CAB39: variants seen among roughly 807,000 people sequenced by gnomAD.
The protein encoded by CAB39 is calcium-binding protein 39.
In CAB39, 8 loss-of-function variants were observed where a neutral mutation model predicts 40.0. That is an observed-to-expected ratio of 0.20 (90% confidence interval 0.12 to 0.36). The LOEUF (loss-of-function observed/expected upper bound fraction) is 0.36. CAB39 is among the 10% of genes least tolerant of loss of function. The pLI is 1.00. For missense variants in CAB39, 270 were observed against 401.1 expected (o/e 0.67, Z 2.79); for synonymous variants, 156 against 141.6 (o/e 1.10, Z -0.72).
intron 4 of CAB39, among the ~76,000 whole-genome samples, chr2:230,796,979 G>T (rs1695997075): frequency 1.3e-5 from 2 of 152,184 alleles, no homozygotes; most frequent in Admixed American, 6.5e-5. Context: ...ATAAGAGGAA[G>T]ACTGGATAGT....
At chr2:230,818,174 T>C in intron 8 of CAB39, 3 of 467,726 alleles carry the variant, frequency 6.4e-6, no homozygotes, top group Non-Finnish European at 1.1e-5. Flanking sequence ...CATTTCTTAA[T>C]GCTTTCTGTG....
intron 1 of CAB39, among the ~76,000 whole-genome samples, chr2:230,747,653 T>C (rs771974945): frequency 2.0e-4 from 31 of 152,226 alleles, no homozygotes; most frequent in Non-Finnish European, 3.5e-4. Flanking sequence ...TAGCGCAAAA[T>C]ATAATGGATT....
At chr2:230,746,316 A>G (rs1575916729) in intron 1 of CAB39, among the ~76,000 whole-genome samples, 1 of 152,176 alleles carries the variant, frequency 6.6e-6, no homozygotes, top group South Asian at 2.1e-4. Flanking sequence ...ATGGATGGAA[A>G]GTGTTCGCAG....
At chr2:230,740,527 G>A (rs374304457) in intron 1 of CAB39, among the ~76,000 whole-genome samples, 4 of 152,184 alleles carry the variant, frequency 2.6e-5, no homozygotes, top group Non-Finnish European at 5.9e-5. Flanking sequence ...GACCAGTTTC[G>A]TGGAAGACAG....
intron 5 of CAB39, among the ~76,000 whole-genome samples, chr2:230,805,063 A>T (rs1696166080): frequency 6.8e-6 from 1 of 146,580 alleles, no homozygotes. Context: ...AATACTATGC[A>T]GCCTTAAAAA....
chr2:230,776,700 TC>T (rs11297513), intron 2 of CAB39, among the ~76,000 whole-genome samples: 91,685 of 149,874 alleles, frequency 0.61, 28,470 homozygotes, highest in African/African-American at 0.72. Flanking sequence ...CTTTTTTTCT[TC>T]CCCCCCCGAG....
At chr2:230,803,131 A>G (rs1197771108) in intron 5 of CAB39, among the ~76,000 whole-genome samples, 2 of 152,248 alleles carry the variant, frequency 1.3e-5, no homozygotes, top group Non-Finnish European at 2.9e-5. Flanking sequence ...AATCCGTCAC[A>G]TAAACAGAAC....
chr2:230,777,365 T>G (rs933388888), intron 2 of CAB39, among the ~76,000 whole-genome samples: 3 of 151,028 alleles, frequency 2.0e-5, no homozygotes, highest in Non-Finnish European at 4.4e-5. Flanking sequence ...TTTTTTTGTT[T>G]TTTTTTTTTT....
chr2:230,742,523 T>C (rs1007889566), intron 1 of CAB39, among the ~76,000 whole-genome samples: 2 of 140,280 alleles, frequency 1.4e-5, no homozygotes, highest in African/African-American at 5.4e-5. Flanking sequence ...GTGACAAAGT[T>C]GAAATGCAAA....
intron 5 of CAB39, 104 bp from the exon 6 acceptor site, chr2:230,810,159 A>AT: frequency 1.7e-6 from 1 of 592,256 alleles, no homozygotes; most frequent in Non-Finnish European, 3.0e-6. Context: ...AAGTATGGTG[A>AT]TTTTTAACAA....
chr2:230,783,385 C>T (rs191692126), intron 2 of CAB39, among the ~76,000 whole-genome samples: 3 of 152,304 alleles, frequency 2.0e-5, no homozygotes, highest in Admixed American at 6.5e-5. Context: ...GTTATTTTTT[C>T]ACATCTCAGG....
rs114393732 is a variant in CAB39, at chr2:230,791,973, T to C, written c.279+937T>C. ...GTGTTTGTCAGCCTGAGTGAGTGGA[T>C]GTCTGTACAGGTGCTTGAAAGACAG... On this transcript the variant is annotated intron_variant, in intron 3 of 8. Coordinates refer to ENST00000258418, the MANE Select transcript of CAB39 (RefSeq NM_016289.4). Among the ~76,000 whole-genome samples the C allele has an allele frequency of 4.5e-3, 679 of 152,308 alleles. 4 individuals are homozygous for C. Among genetic ancestry groups the C allele is most frequent in the African/African-American group, 0.015 (637 of 41,562 alleles).
At position 230,760,822 on chromosome 2, in the gene CAB39, G is replaced by A. The variant is rs575355322; in HGVS notation, c.114+707G>A. ...TAAATCTTGTTCAACTCCCTAAATT[G>A]TTTATGATTCAGTTCTGACTTCCAT... On this transcript the variant is annotated intron_variant, in intron 2 of 8. Coordinates refer to ENST00000258418, the MANE Select transcript of CAB39 (RefSeq NM_016289.4). Among the ~76,000 whole-genome samples the A allele has an allele frequency of 3.9e-5, 6 of 152,222 alleles. No homozygotes were observed. In the South Asian group the frequency reaches 1.2e-3, roughly 32 times the overall value.
intron 1 of CAB39, among the ~76,000 whole-genome samples, chr2:230,753,122 T>C (rs2124908976): frequency 6.6e-6 from 1 of 151,496 alleles, no homozygotes; most frequent in South Asian, 2.1e-4. Flanking sequence ...AATAAATAAA[T>C]AAATAGATGC....
chr2:230,783,136 C>CT (rs556435996), intron 2 of CAB39, among the ~76,000 whole-genome samples: 259 of 152,216 alleles, frequency 1.7e-3, no homozygotes, highest in African/African-American at 5.9e-3. Context: ...CCAGACTGCT[C>CT]TTTCTTTAGT....
At chr2:230,788,246 G>T (rs376213751) in intron 2 of CAB39, among the ~76,000 whole-genome samples, 13 of 136,786 alleles carry the variant, frequency 9.5e-5, no homozygotes, top group South Asian at 4.6e-4. Context: ...TTGTTTTTCG[G>T]TTTTTTTTTT....
At chr2:230,723,918 C>T (rs777528276) in intron 1 of CAB39, among the ~76,000 whole-genome samples, 6 of 151,982 alleles carry the variant, frequency 3.9e-5, no homozygotes, top group African/African-American at 1.2e-4. Flanking sequence ...TTCCAATCAG[C>T]GTCACCGCCA....
chr2:230,817,977 G>T, intron 8 of CAB39, 80 bp downstream of exon 8: 1 of 1,271,554 alleles, frequency 7.9e-7, no homozygotes. Flanking sequence ...GAAATTATTA[G>T]CCTCACTCTG....
At chr2:230,776,063 C>CA (rs141930178) in intron 2 of CAB39, among the ~76,000 whole-genome samples, 15,826 of 152,122 alleles carry the variant, frequency 0.1, 1,126 homozygotes, top group Middle Eastern at 0.15. Context: ...GAATTTGAAA[C>CA]AACCTATGGC....
Sources: allele counts gnomAD v4.1 joint callset (sites outside exome capture counted in the v4.1 genomes callset), GRCh38; gene constraint gnomAD v4.1.1; transcripts MANE v1.5; gene names NCBI Gene and HGNC (gene_info 2026-07-23, HGNC 2026-07-21).